Variants in PRKN observed in about 807,000 individuals in gnomAD.
PRKN encodes the protein parkin RBR E3 ubiquitin protein ligase, also known as E3 ubiquitin-protein ligase parkin.
Under a neutral mutation model 59.5 loss-of-function variants are expected in PRKN, and 56 were observed. The observed-to-expected ratio is 0.94, with a 90% CI of 0.76 to 1.18. PRKN has a LOEUF of 1.18. PRKN is among the 50% of genes most tolerant of loss of function. The pLI, the probability that PRKN is intolerant of heterozygous loss-of-function variation, is 0.00. For missense variants in PRKN, 657 were observed against 596.4 expected, an observed-to-expected ratio of 1.10 and a Z score of -1.06; for synonymous variants, 250 against 222.1, an observed-to-expected ratio of 1.13 and a Z score of -1.12.
intron 9 of PRKN, among the ~76,000 whole-genome samples, chr6:161,540,631 C>A (rs542598147): frequency 6.6e-6 from 1 of 152,062 alleles, no homozygotes; most frequent in African/African-American, 2.4e-5. Flanking sequence ...CTCAGCACTA[C>A]GGATTAAAAA....
chr6:162,501,131 T>C (rs1383618864), intron 1 of PRKN, among the ~76,000 whole-genome samples: 1 of 152,128 alleles, frequency 6.6e-6, no homozygotes, highest in Non-Finnish European at 1.5e-5. Context: ...TAGTCCAGCC[T>C]GGGCAACACG....
intron 6 of PRKN, among the ~76,000 whole-genome samples, chr6:161,875,872 G>C (rs73603178): frequency 0.033 from 5,075 of 152,078 alleles, 286 homozygotes; most frequent in African/African-American, 0.11. Flanking sequence ...ATAAGTACTG[G>C]GGCCATGCAG....
At chr6:162,012,159 T>A (rs1782753025) in intron 5 of PRKN, among the ~76,000 whole-genome samples, 1 of 152,142 alleles carries the variant, frequency 6.6e-6, no homozygotes, top group Admixed American at 6.6e-5. Flanking sequence ...CTTAGTCTGA[T>A]GCCAAAGCCC....
At chr6:162,007,223 T>C (rs927243167) in intron 5 of PRKN, among the ~76,000 whole-genome samples, 9 of 152,148 alleles carry the variant, frequency 5.9e-5, no homozygotes, top group Admixed American at 5.2e-4. Flanking sequence ...TACAGTGCAG[T>C]GAGTGGTCAT....
chr6:161,735,018 CAAA>C (rs111861396), intron 7 of PRKN, among the ~76,000 whole-genome samples: 6 of 97,884 alleles, frequency 6.1e-5, no homozygotes, highest in Admixed American at 1.1e-4. Flanking sequence ...TATAAACAAG[CAAA>C]AAAAAAAAAA....
chr6:161,520,526 C>A (rs949103524), intron 9 of PRKN, among the ~76,000 whole-genome samples: 4 of 151,898 alleles, frequency 2.6e-5, no homozygotes, highest in African/African-American at 7.3e-5. Context: ...CTGTGCTCAG[C>A]CAATAGTTAA....
At chr6:162,447,331 C>G (rs776946201) in intron 1 of PRKN, among the ~76,000 whole-genome samples, 1 of 151,934 alleles carries the variant, frequency 6.6e-6, no homozygotes. Flanking sequence ...CTTCCAGAGA[C>G]CAAGAGATAT....
chr6:162,566,216 T>G (rs1454817841), intron 1 of PRKN, among the ~76,000 whole-genome samples: 1 of 151,892 alleles, frequency 6.6e-6, no homozygotes, highest in Non-Finnish European at 1.5e-5. Flanking sequence ...TCAGACTTAA[T>G]CTTCATGATA....
At chr6:162,519,127 A>G (rs144699163) in intron 1 of PRKN, among the ~76,000 whole-genome samples, 21,581 of 152,108 alleles carry the variant, frequency 0.14, 2,124 homozygotes, top group African/African-American at 0.28. Flanking sequence ...CCGAGATCGC[A>G]CCATTGCACT....
intron 7 of PRKN, among the ~76,000 whole-genome samples, chr6:161,596,349 C>CA (rs1781913432): frequency 6.6e-6 from 1 of 152,074 alleles, no homozygotes; most frequent in African/African-American, 2.4e-5. Context: ...ACCACTAAAA[C>CA]AGTTTACACC....
chr6:162,068,228 T>A (rs1582984199), intron 4 of PRKN, among the ~76,000 whole-genome samples: 1 of 151,516 alleles, frequency 6.6e-6, no homozygotes, highest in South Asian at 2.1e-4. Flanking sequence ...TCCTGAGTTT[T>A]GTAGGTGTTT....
intron 1 of PRKN, among the ~76,000 whole-genome samples, chr6:162,550,198 T>C (rs970510625): frequency 3.3e-5 from 5 of 152,098 alleles, no homozygotes; most frequent in African/African-American, 9.7e-5. Flanking sequence ...AAGTCAAGGA[T>C]TGTAAAATAT....
chr6:162,694,776 T>TA (rs1235415651), intron 1 of PRKN: 6 of 152,194 alleles, frequency 3.9e-5, no homozygotes, highest in Admixed American at 2.0e-4. Flanking sequence ...ATTCAACAGT[T>TA]AGAGTTTTCC....
At chr6:162,190,304 G>GA (rs1394709736) in intron 4 of PRKN, among the ~76,000 whole-genome samples, 1 of 151,948 alleles carries the variant, frequency 6.6e-6, no homozygotes, top group Non-Finnish European at 1.5e-5. Flanking sequence ...TTCAGCAAGG[G>GA]AAAACTCCAT....
At chr6:162,188,022 T>G (rs1400409231) in intron 4 of PRKN, among the ~76,000 whole-genome samples, 1 of 152,118 alleles carries the variant, frequency 6.6e-6, no homozygotes, top group Non-Finnish European at 1.5e-5. Flanking sequence ...GTTCTCATGA[T>G]AGTGAATGAG....
chr6:161,454,915 A>G lies in PRKN; in HGVS notation c.1084-68038T>C, dbSNP rs984661298. Among the ~76,000 whole-genome samples the G allele has an allele frequency of 6.6e-6, 1 of 151,538 alleles. No homozygotes were observed. Among genetic ancestry groups the G allele is most frequent in the African/African-American group, 2.4e-5 (1 of 41,176 alleles). ...TCTCTGTCTTTTCTTCCCCAGCTAT[A>G]TTTTTCTTCATAACACTGGTTTCTC... On this transcript the variant is annotated intron_variant, in intron 9 of 11. Transcript: ENST00000366898. The surrounding 1 kb of genome is among the most constrained non-coding windows in gnomAD (Gnocchi z 4.6).
At position 162,556,370 on chromosome 6, in the gene PRKN, T is replaced by C. The variant is rs202233385; in HGVS notation, c.8-112897A>G. 1.1e-4 allele frequency among the ~76,000 whole-genome samples: 11 copies of C among 99,372 alleles called. No homozygotes were observed. The East Asian group carries it at 3.0e-3, about 27-fold the overall frequency. 65.2% of individuals were successfully genotyped at this position (99,372 alleles called of 152,430 possible). ...GTGTGTGTGTGTGTGTGTGTGTGTG[T>C]GTGTGTGTGTGTGTGTGTGTGTGTG... On this transcript the variant is annotated intron_variant, in intron 1 of 11. Coordinates refer to ENST00000366898, the MANE Select transcript of PRKN (RefSeq NM_004562.3).
chr6:162,703,687 G>A (rs527817752), intron 1 of PRKN, among the ~76,000 whole-genome samples: 59 of 152,280 alleles, frequency 3.9e-4, no homozygotes, highest in African/African-American at 1.3e-3. Flanking sequence ...CTGTGCACAG[G>A]GAGGTTCCTG....
rs1238219958 is a variant in PRKN, at chr6:161,542,505, A to G, written c.1083+6349T>C. On this transcript the variant is annotated intron_variant, in intron 9 of 11. Transcript: ENST00000366898. ...AAATAAATACTCTCCAAAGCTTTCC[A>G]TCTTTGCACTTCAAGCTGTCTCACA... Among the ~76,000 whole-genome samples, 6 of 152,236 alleles carry G rather than the reference A, an allele frequency of 3.9e-5. No homozygotes were observed. The South Asian group carries it at 6.2e-4, about 16-fold the overall frequency.
Sources: gnomAD v4.1 joint callset for allele counts (sites outside exome capture counted in the v4.1 genomes callset) on GRCh38, gnomAD v4.1.1 for gene constraint, Gnocchi (gnomAD v3.1) non-coding constraint, MANE v1.5 for transcripts, NCBI Gene and HGNC (gene_info 2026-07-23, HGNC 2026-07-21) for gene names.